The following ZNF700 variants were observed in gnomAD, a reference collection of about 807,000 sequenced individuals.
The protein encoded by ZNF700 is zinc finger protein 700.
A neutral mutation model predicts 65.3 loss-of-function variants in ZNF700; 38 were observed. That is an observed-to-expected ratio of 0.58 (90% CI 0.45 to 0.76). ZNF700 has a LOEUF of 0.76. ZNF700 is among the 30% of genes least tolerant of loss of function. The pLI, the probability that ZNF700 is intolerant of heterozygous loss-of-function variation, is 0.00. For missense variants in ZNF700, 857 were observed against 888.4 expected (o/e 0.96, Z 0.45); for synonymous variants, 285 against 290.4 (o/e 0.98, Z 0.19).
At chr19:11,936,526 G>A (rs1346703090) in intron 1 of ZNF700, among the ~76,000 whole-genome samples, 1 of 152,130 alleles carries the variant, frequency 6.6e-6, no homozygotes, top group Non-Finnish European at 1.5e-5. Flanking sequence ...CCCACTTTTT[G>A]ATGGGGTTGT....
At chr19:11,926,990 G>A (rs1972638879) in intron 1 of ZNF700, among the ~76,000 whole-genome samples, 1 of 152,156 alleles carries the variant, frequency 6.6e-6, no homozygotes, top group African/African-American at 2.4e-5. Context: ...GACCCCAGGA[G>A]AGTTCTTGAA....
chr19:11,935,154 C>T lies in ZNF700; in HGVS notation c.63+9881C>T, dbSNP rs781723676. 3.6e-3 allele frequency among the ~76,000 whole-genome samples: 435 copies of T among 121,904 alleles called. 22 individuals carry two copies. Among genetic ancestry groups the T allele is most frequent in the African/African-American group, 0.014 (409 of 28,488 alleles). 80.0% of individuals were successfully genotyped at this position (121,904 alleles called of 152,430 possible). A position where few individuals can be genotyped will look rare whatever the true frequency, so the allele number is the denominator to read the frequency against. Reference sequence around the variant, plus strand: ...TGGCACCACTGCACTCCAGCCTGGGCGACAGAGCGAGACTCCGTCTCAAAA... The same window carrying T: ...TGGCACCACTGCACTCCAGCCTGGGTGACAGAGCGAGACTCCGTCTCAAAA... On this transcript the variant is annotated intron_variant, in intron 1 of 3. Coordinates refer to ENST00000254321, the MANE Select transcript of ZNF700 (RefSeq NM_144566.3).
rs563844617 is a variant in ZNF700 at position 11,925,144 on chromosome 19, C to G, written c.-67C>G. 13 of 1,584,726 alleles carry G rather than the reference C, an allele frequency of 8.2e-6. No individual in the cohort carries two copies. The highest frequency in any genetic ancestry group is 8.1e-5 in the African/African-American group (6 of 73,802). On this transcript the variant is annotated 5_prime_UTR_variant, in exon 1 of 4. Transcript: ENST00000254321. ...CGCTGCGCGGGCGGCGGTTGGTAAC[C>G]GGTCAGACCAGCCCGAGAGGGACCT...
intron 1 of ZNF700, among the ~76,000 whole-genome samples, chr19:11,931,293 T>G (rs990639620): frequency 6.8e-6 from 1 of 147,902 alleles, no homozygotes; most frequent in Non-Finnish European, 1.5e-5. Context: ...CGCTTCCTGG[T>G]TTGCAAATGA....
chr19:11,925,889 T>C (rs1972619682), intron 1 of ZNF700, among the ~76,000 whole-genome samples: 1 of 151,928 alleles, frequency 6.6e-6, no homozygotes, highest in Non-Finnish European at 1.5e-5. Context: ...CTCAAGACAG[T>C]TTGGTTTTAT....
intron 1 of ZNF700, among the ~76,000 whole-genome samples, chr19:11,938,569 C>A (rs13382007): frequency 0.095 from 14,394 of 152,142 alleles, 1,273 homozygotes; most frequent in African/African-American, 0.24. Flanking sequence ...TGAACTCATC[C>A]TTTTTTGTGG....
intron 1 of ZNF700, among the ~76,000 whole-genome samples, chr19:11,935,910 G>A (rs1250760792): frequency 1.3e-5 from 2 of 152,182 alleles, no homozygotes; most frequent in South Asian, 2.1e-4. Context: ...CCCTGTGTCC[G>A]AGTGGTCTCA....
intron 1 of ZNF700, among the ~76,000 whole-genome samples, chr19:11,925,514 C>A (rs1005830642): frequency 6.6e-6 from 1 of 152,154 alleles, no homozygotes; most frequent in African/African-American, 2.4e-5. Flanking sequence ...TGCCCCGGAG[C>A]CCTCTCTGGG....
rs1447178871 is a variant in ZNF700 at position 11,933,922 on chromosome 19, C to T, written c.63+8649C>T. Among the ~76,000 whole-genome samples the T allele has an allele frequency of 2.0e-5, 3 of 147,464 alleles. 1 individual carries two copies. Among genetic ancestry groups the T allele is most frequent in the African/African-American group, 5.3e-5 (2 of 37,460 alleles). On this transcript the variant is annotated intron_variant, in intron 1 of 3. Transcript: ENST00000254321. ...AACACCCCAGCTCAGGTGATCCTCC[C>T]ACCTCAGCTTCCCAAAGTGCTGGGA...
chr19:11,948,968 TTG>T lies in ZNF700; in HGVS notation c.945_946del (p.Ala316IlefsTer7). 1 of 1,608,148 alleles carries T rather than the reference TTG, an allele frequency of 6.2e-7. No individual in the cohort carries two copies. The highest frequency in any genetic ancestry group is 1.1e-5 in the South Asian group (1 of 89,552). On this transcript the variant is annotated frameshift_variant, in exon 4 of 4. Transcript: ENST00000254321. LOFTEE classifies it high-confidence loss of function. ...CAATGCAAAGAATGTGGAAAAGCAT[TTG>T]CATATACCAGTTCTCTTCGTAGACA... is the stretch of plus-strand genomic sequence containing the variant.
Position 11,949,197 on chromosome 19 carries a change from A to ATGCT in ZNF700, c.1176_1177insTTGC (p.Lys393LeufsTer6), listed in dbSNP as rs1221096075. 18 of 1,613,300 alleles carry ATGCT rather than the reference A, an allele frequency of 1.1e-5. No individual in the cohort carries two copies. Among genetic ancestry groups the ATGCT allele is most frequent in the Non-Finnish European group, 1.4e-5 (16 of 1,179,858 alleles). On this transcript the variant is annotated frameshift_variant, in exon 4 of 4. Transcript: ENST00000254321. LOFTEE classifies it high-confidence loss of function. Reference sequence around the variant, plus strand: ...CTCACACTGGAGAGAAACGCTATAAATGCAAGCAATGTGGTAAAGCCTTCA... The same window carrying ATGCT: ...CTCACACTGGAGAGAAACGCTATAAATGCTTGCAAGCAATGTGGTAAAGCCTTCA...
At chr19:11,925,417 C>A in intron 1 of ZNF700, 144 bp downstream of exon 1, 1 of 1,345,202 alleles carries the variant, frequency 7.4e-7, no homozygotes, top group Non-Finnish European at 9.9e-7. Context: ...GGCCCTCGGT[C>A]CCCTTGGCCG....
At chr19:11,925,348 AC>A in intron 1 of ZNF700, 75 bp downstream of exon 1, 1 of 1,587,120 alleles carries the variant, frequency 6.3e-7, no homozygotes, top group Non-Finnish European at 8.6e-7. Context: ...CTGTGGCGGG[AC>A]CCGGGCCTCC....
intron 1 of ZNF700, among the ~76,000 whole-genome samples, chr19:11,927,283 G>A (rs1373326024): frequency 6.6e-6 from 1 of 152,052 alleles, no homozygotes; most frequent in Non-Finnish European, 1.5e-5. Flanking sequence ...GAACCCCAGA[G>A]GCAGAGGTTG....
At position 11,925,157 on chromosome 19, in the gene ZNF700, C is replaced by G; in HGVS notation, c.-54C>G. 2 of 1,603,042 alleles carry G rather than the reference C, an allele frequency of 1.2e-6. No individual in the cohort carries two copies. The highest frequency in any genetic ancestry group is 1.7e-6 in the Non-Finnish European group (2 of 1,172,294). ...GCGGTTGGTAACCGGTCAGACCAGC[C>G]CGAGAGGGACCTGGTGCCTGTACCC... On this transcript the variant is annotated 5_prime_UTR_variant, in exon 1 of 4. Coordinates refer to ENST00000254321, the MANE Select transcript of ZNF700 (RefSeq NM_144566.3).
Position 11,950,198 on chromosome 19 carries a change from C to T in ZNF700, c.2174C>T (p.Thr725Ile), listed in dbSNP as rs1973044139. The T allele has an allele frequency of 1.2e-6, 2 of 1,613,396 alleles. No individual in the cohort carries two copies. The highest frequency in any genetic ancestry group is 1.6e-4 in the Middle Eastern group (1 of 6,078). Residue 725 changes from threonine to isoleucine, a missense_variant, in exon 4 of 4, where the codon ACT becomes ATT. This residue lies in a region of ZNF700 where 251 missense variants were observed against 250.3 expected (regional missense o/e 1.00). Coordinates refer to ENST00000254321, the MANE Select transcript of ZNF700 (RefSeq NM_144566.3). ...YFSSLHIHAR[T>I]HMGEKPYECK... is the part of the protein sequence containing the mutation. ...TCTTCCTTGCATATACACGCAAGGA[C>T]TCATATGGGAGAGAAGCCATATGAA...
chr19:11,939,293 T>C (rs1457664538), intron 1 of ZNF700, among the ~76,000 whole-genome samples: 1 of 152,244 alleles, frequency 6.6e-6, no homozygotes. Flanking sequence ...AGTGATGAAG[T>C]CCTTGCCCAT....
intron 1 of ZNF700, 111 bp from the exon 2 acceptor site, chr19:11,947,070 G>T: frequency 2.0e-6 from 3 of 1,475,706 alleles, no homozygotes; most frequent in Admixed American, 5.0e-5. Flanking sequence ...ACCGAAGCAG[G>T]GAATAAATGT....
chr19:11,934,386 A>G (rs1972758510), intron 1 of ZNF700, among the ~76,000 whole-genome samples: 1 of 148,266 alleles, frequency 6.7e-6, no homozygotes, highest in Admixed American at 6.6e-5. Context: ...AATTGGCTGT[A>G]GAATTTTCCA....
Sources: gnomAD v4.1 joint callset for allele counts (sites outside exome capture counted in the v4.1 genomes callset) on GRCh38, gnomAD v4.1.1 for gene constraint, gnomAD v4.1.1 regional missense constraint, MANE v1.5 for transcripts, NCBI Gene and HGNC (gene_info 2026-07-23, HGNC 2026-07-21) for gene names.